The following CFAP47 variants were observed in gnomAD, a reference collection of about 807,000 sequenced individuals.
CFAP47 encodes cilia and flagella associated protein 47.
Under a neutral mutation model 148.1 loss-of-function variants are expected in CFAP47, and 29 were observed. The observed-to-expected ratio is 0.20, with a 90% CI of 0.15 to 0.27. The LOEUF (loss-of-function observed/expected upper bound fraction) is 0.27. CFAP47 is among the 10% of genes least tolerant of loss of function. The pLI, the probability that CFAP47 is intolerant of heterozygous loss-of-function variation, is 1.00. For synonymous variants in CFAP47, 664 were observed against 577.3 expected (o/e 1.15, Z -2.15); for missense variants, 1,872 against 1,697.5 (o/e 1.10, Z -1.81).
chrX:35,979,457 T>A (rs1936613544), intron 15 of CFAP47, among the ~76,000 whole-genome samples: 1 of 109,836 alleles, frequency 9.1e-6, no homozygotes, highest in Admixed American at 1.0e-4. Context: ...ACTCTCTTTC[T>A]CACTTCTCTC....
At chrX:36,200,293 C>A (rs1391064237) in intron 42 of CFAP47, 86 bp from the exon 43 acceptor site, 3 of 284,989 alleles carry the variant, frequency 1.1e-5, no homozygotes, top group African/African-American at 8.3e-5. Flanking sequence ...GTAGTTCTTA[C>A]AGTATGCAGA....
At chrX:36,328,812 G>A (rs1295290226) in intron 57 of CFAP47, among the ~76,000 whole-genome samples, 2 of 60,049 alleles carry the variant, frequency 3.3e-5, no homozygotes, top group African/African-American at 1.3e-4. Flanking sequence ...GCGAGACTCT[G>A]TCTCAAAAAA....
chrX:35,989,638 T>G, intron 16 of CFAP47, 189 bp downstream of exon 16: 1 of 1,011,206 alleles, frequency 9.9e-7, no homozygotes, highest in Non-Finnish European at 1.3e-6. Flanking sequence ...GAAATGAAAT[T>G]ATTTTATTAA....
chrX:36,140,392 T>G (rs1389989405), intron 35 of CFAP47, among the ~76,000 whole-genome samples: 1 of 111,783 alleles, frequency 8.9e-6, no homozygotes, highest in Non-Finnish European at 1.9e-5. Context: ...TCCTTTGCTT[T>G]TTGATTTCCT....
At chrX:36,327,020 G>A (rs782619904) in intron 57 of CFAP47, among the ~76,000 whole-genome samples, 1 of 111,247 alleles carries the variant, frequency 9.0e-6, no homozygotes, top group Non-Finnish European at 1.9e-5. Flanking sequence ...AAAATCTAGA[G>A]AATATCTTTC....
At chrX:36,072,188 C>G (rs1601960693) in intron 28 of CFAP47, among the ~76,000 whole-genome samples, 1 of 112,274 alleles carries the variant, frequency 8.9e-6, no homozygotes, top group East Asian at 2.8e-4. Context: ...AGCACTCTTA[C>G]TGTTTCAGTA....
At chrX:36,049,129 C>G (rs754911282) in intron 26 of CFAP47, among the ~76,000 whole-genome samples, 6 of 110,889 alleles carry the variant, frequency 5.4e-5, no homozygotes, top group Non-Finnish European at 1.1e-4. Flanking sequence ...TAGGCTAGAT[C>G]TCATGGAATC....
At position 35,948,382 on chromosome X, in the gene CFAP47, G is replaced by A; in HGVS notation, c.586G>A (p.Ala196Thr). Residue 196 changes from alanine (A) to threonine (T), a missense_variant, in exon 4 of 64, where the codon GCT (alanine) becomes ACT (threonine). Physicochemically the swap from Ala to Thr is moderately conservative, Grantham distance 58. Transcript: ENST00000378653. ...LIFPTSGIVDAKSSMVIKVDF... is the reference protein window; with the variant it reads ...LIFPTSGIVDTKSSMVIKVDF... ...TTTTCCAACTAGTGGTATCGTGGAT[G>A]CTAAGTCATCAATGGTTATTAAAGT... 8.3e-7 allele frequency: 1 copy of A among 1,201,671 alleles called. No individual in the cohort carries two copies. The highest frequency in any genetic ancestry group is 1.1e-6 in the Non-Finnish European group (1 of 886,268).
chrX:36,234,559 A>C (rs927709700), intron 46 of CFAP47, among the ~76,000 whole-genome samples: 14 of 111,631 alleles, frequency 1.3e-4, no homozygotes, highest in South Asian at 7.3e-4. Flanking sequence ...CTTTGGTTTG[A>C]ATTTCCTCCT....
At chrX:36,000,943 A>C (rs182093837) in intron 20 of CFAP47, among the ~76,000 whole-genome samples, 2 of 111,783 alleles carry the variant, frequency 1.8e-5, no homozygotes, top group East Asian at 5.6e-4. Context: ...GAACACGCAC[A>C]GACCCATTTG....
Position 36,348,193 on chromosome X carries a change from A to G in CFAP47, c.8508A>G (p.Lys2836=). The part of the protein sequence containing the change: ...ISLLFIPQIM[K]LHKTMVIIEM... ...TGTTATTTATACCTCAAATTATGAA[A>G]TTACACAAAACAATGGTTATTATTG... Residue 2836 remains lysine, a synonymous_variant, in exon 58 of 64, where the codon AAA becomes AAG. Coordinates refer to ENST00000378653, the MANE Select transcript of CFAP47 (RefSeq NM_001304548.2). The G allele has an allele frequency of 9.4e-7, 1 of 1,058,314 alleles. No homozygotes were observed. The highest frequency in any genetic ancestry group is 1.2e-6 in the Non-Finnish European group (1 of 811,966). The allele number at this position is 1,058,314 out of a possible 1,213,427, so 87.2% of individuals were successfully genotyped here.
chrX:36,368,441 T>A (rs1344755537), intron 62 of CFAP47, among the ~76,000 whole-genome samples: 1 of 110,927 alleles, frequency 9.0e-6, no homozygotes, highest in Non-Finnish European at 1.9e-5. Context: ...GGAGGTAAAG[T>A]CAGTTAAATT....
At chrX:36,384,663 T>C (rs1942110534) in intron 63 of CFAP47, 134 bp from the exon 64 acceptor site, 1 of 449,584 alleles carries the variant, frequency 2.2e-6, no homozygotes. Context: ...ATTGTCACTC[T>C]AAGTGGTTTC....
intron 46 of CFAP47, among the ~76,000 whole-genome samples, chrX:36,232,003 G>T (rs1156388449): frequency 1.8e-5 from 2 of 111,292 alleles, no homozygotes; most frequent in Non-Finnish European, 3.8e-5. Flanking sequence ...TGTGCTGCTG[G>T]ATTCGGTTTG....
At chrX:36,179,475 T>C (rs993128523) in intron 40 of CFAP47, 53 bp downstream of exon 40, 7 of 290,934 alleles carry the variant, frequency 2.4e-5, no homozygotes, top group African/African-American at 1.9e-4. Flanking sequence ...TTTTGAGAAA[T>C]AAGTAGTCAA....
At chrX:36,177,577 T>A (rs1214047556) in intron 39 of CFAP47, among the ~76,000 whole-genome samples, 1 of 112,344 alleles carries the variant, frequency 8.9e-6, no homozygotes, top group Non-Finnish European at 1.9e-5. Context: ...GTGAATCTGG[T>A]AGTCTGAAAG....
chrX:35,955,860 C>G (rs1936237136), intron 7 of CFAP47, 101 bp from the exon 8 acceptor site: 1 of 1,095,542 alleles, frequency 9.1e-7, no homozygotes, highest in African/African-American at 1.9e-5. Context: ...AATGAGCTAC[C>G]CAATTTGCAT....
Position 36,285,674 on chromosome X carries a change from A to G in CFAP47, c.7634A>G (p.His2545Arg). The change falls in exon 51 of 64, where the codon CAT (histidine) becomes CGT (arginine). Residue 2545 changes from histidine to arginine, a missense_variant. Physicochemically the swap from His to Arg is conservative, Grantham distance 29 (BLOSUM62 0). Coordinates refer to ENST00000378653, the MANE Select transcript of CFAP47 (RefSeq NM_001304548.2). ...AGATTCTGGTATAATCTTGAGATCC[A>G]TAGCACTCCTGGACCACCCATAGAG... ...NLRFWYNLEI[H>R]STPGPPIEIM... The G allele has an allele frequency of 8.9e-7, 1 of 1,128,270 alleles. No individual in the cohort carries two copies. 93.0% of individuals were successfully genotyped at this position (1,128,270 alleles called of 1,213,427 possible). A position where few individuals can be genotyped will look rare whatever the true frequency, so the allele number is the denominator to read the frequency against.
chrX:36,110,348 G>T (rs1489981819), intron 33 of CFAP47, among the ~76,000 whole-genome samples: 1 of 111,539 alleles, frequency 9.0e-6, no homozygotes, highest in Non-Finnish European at 1.9e-5. Flanking sequence ...CAGTTATTCT[G>T]TCAGTATTTA....
Sources: allele counts gnomAD v4.1 joint callset (sites outside exome capture counted in the v4.1 genomes callset), GRCh38; gene constraint gnomAD v4.1.1; transcripts MANE v1.5; gene names NCBI Gene and HGNC (gene_info 2026-07-23, HGNC 2026-07-21).